Variants in KCNT1 observed in about 807,000 individuals in gnomAD.
KCNT1 encodes potassium sodium-activated channel subfamily T member 1.
In KCNT1, 78 loss-of-function variants were observed where a neutral mutation model predicts 147.8. The observed-to-expected ratio is 0.53, with a 90% CI of 0.44 to 0.64. The LOEUF (loss-of-function observed/expected upper bound fraction) is 0.64, where lower values mean the gene tolerates loss of function less well. Among genes scored for constraint, KCNT1 ranks in the 30% least tolerant of loss-of-function variants. The probability of loss-of-function intolerance (pLI) is 0.00; values close to 1 mark genes in which losing one functional copy is unlikely to be tolerated. For missense variants in KCNT1, 1,419 were observed against 1,750.3 expected, an observed-to-expected ratio of 0.81 and a Z score of 3.38; for synonymous variants, 867 against 748.8, an observed-to-expected ratio of 1.16 and a Z score of -2.58.
intron 11 of KCNT1, among the ~76,000 whole-genome samples, chr9:135,763,101 G>T (rs931004764): frequency 6.6e-6 from 1 of 152,256 alleles, no homozygotes; most frequent in Admixed American, 6.5e-5. Flanking sequence ...GGGGGCTGGC[G>T]CACCCTCCCT....
At position 135,758,368 on chromosome 9, in the gene KCNT1, G is replaced by A. The variant is rs753479701; in HGVS notation, c.760-46G>A. ...TAGTCTCTATTCATTGGCTCCTGGCGGGGTCCACAGTCCCTGCCCGCTGAC... is the reference window on the plus strand; with the variant it reads ...TAGTCTCTATTCATTGGCTCCTGGCAGGGTCCACAGTCCCTGCCCGCTGAC... On this transcript the variant is annotated intron_variant, in intron 9 of 30. Coordinates refer to ENST00000371757, the MANE Select transcript of KCNT1 (RefSeq NM_020822.3). 7.4e-5 allele frequency: 103 copies of A among 1,396,830 alleles called. No individual in the cohort carries two copies. In the East Asian group the frequency reaches 1.4e-3, roughly 19 times the overall value. The allele number at this position is 1,396,830 out of a possible 1,614,324, so 86.5% of individuals were successfully genotyped here.
chr9:135,760,270 G>A (rs894052203), intron 11 of KCNT1, among the ~76,000 whole-genome samples: 2 of 152,142 alleles, frequency 1.3e-5, no homozygotes, highest in African/African-American at 2.4e-5. Context: ...TGGCTTCCCC[G>A]TCACCACTGC....
intron 23 of KCNT1, among the ~76,000 whole-genome samples, chr9:135,779,065 CCT>C (rs1278357741): frequency 6.9e-6 from 1 of 144,972 alleles, no homozygotes; most frequent in Non-Finnish European, 1.5e-5. Context: ...GGGACCACAC[CCT>C]GAGACCCCCA....
chr9:135,716,253 C>A (rs1469501168), intron 2 of KCNT1, among the ~76,000 whole-genome samples: 1 of 152,200 alleles, frequency 6.6e-6, no homozygotes, highest in Non-Finnish European at 1.5e-5. Context: ...TGTCCATCCG[C>A]CTAATGGTGC....
rs192127716 is a variant in KCNT1, at chr9:135,713,506, C to T, written c.111-1071C>T. 4.6e-3 allele frequency among the ~76,000 whole-genome samples: 704 copies of T among 152,290 alleles called. 1 individual carries two copies. Among genetic ancestry groups the T allele is most frequent in the Non-Finnish European group, 7.5e-3 (510 of 68,014 alleles). ...CAAGGAATGTGCCCACCCCTCCCGA[C>T]TTGAGGAGAGAGAGGAGAGTTTTGT... On this transcript the variant is annotated intron_variant, in intron 1 of 30. Coordinates refer to ENST00000371757, the MANE Select transcript of KCNT1 (RefSeq NM_020822.3).
intron 1 of KCNT1, among the ~76,000 whole-genome samples, chr9:135,709,140 A>G (rs1250930573): frequency 1.3e-5 from 2 of 152,172 alleles, no homozygotes; most frequent in Non-Finnish European, 2.9e-5. Context: ...CAGTCTCTAT[A>G]TCACCTACAA....
chr9:135,784,078 G>A lies in KCNT1; in HGVS notation c.2896G>A (p.Ala966Thr), dbSNP rs1424788778. 6.2e-7 allele frequency: 1 copy of A among 1,605,918 alleles called. No individual in the cohort carries two copies. Among genetic ancestry groups the A allele is most frequent in the African/African-American group, 1.3e-5 (1 of 75,052 alleles). Residue 966 changes from alanine to threonine, a missense_variant, in exon 25 of 31, where the codon GCC becomes ACC. Ala to Thr is a moderately conservative substitution (Grantham distance 58). Transcript: ENST00000371757. The part of the protein sequence containing the change: ...LAFMFRLPFA[A>T]GRVFSISMLD... ...CTTCATGTTCCGCCTGCCGTTCGCC[G>A]CCGGCCGCGTCTTCAGCATCAGCAT...
intron 2 of KCNT1, among the ~76,000 whole-genome samples, chr9:135,727,442 C>CTT (rs1836264340): frequency 6.8e-6 from 1 of 147,788 alleles, no homozygotes; most frequent in South Asian, 2.2e-4. Context: ...CTCTCCCTCT[C>CTT]TCTCTCTCTC....
Position 135,730,222 on chromosome 9 carries a change from T to G in KCNT1, c.254+15502T>G, listed in dbSNP as rs951277582. The stretch of plus-strand genomic sequence containing the variant: ...TAGTGGCGACAACAAGGAAAGGGGT[T>G]CCCTGGACTCCCCCTTCGGAGCATC... On this transcript the variant is annotated intron_variant, in intron 2 of 30. Coordinates refer to ENST00000371757, the MANE Select transcript of KCNT1 (RefSeq NM_020822.3). The surrounding 1 kb of genome is among the most constrained non-coding windows in gnomAD (Gnocchi z 4.7). Among the ~76,000 whole-genome samples, 18 of 152,328 alleles carry G rather than the reference T, an allele frequency of 1.2e-4. No individual in the cohort carries two copies. Among genetic ancestry groups the G allele is most frequent in the African/African-American group, 4.1e-4 (17 of 41,576 alleles).
intron 24 of KCNT1, among the ~76,000 whole-genome samples, chr9:135,781,487 C>T (rs1417953235): frequency 6.6e-6 from 1 of 152,228 alleles, no homozygotes; most frequent in Non-Finnish European, 1.5e-5. Context: ...CCAGATCCCC[C>T]ATGGGTCTCT....
intron 10 of KCNT1, 113 bp downstream of exon 10, chr9:135,758,621 G>A: frequency 2.3e-6 from 2 of 855,038 alleles, no homozygotes; most frequent in Non-Finnish European, 1.9e-6. Flanking sequence ...GGGCAGAAAA[G>A]GCCACAGTGC....
intron 23 of KCNT1, 69 bp downstream of exon 23, chr9:135,778,891 A>G (rs1405864643): frequency 1.3e-6 from 2 of 1,492,050 alleles, no homozygotes; most frequent in Admixed American, 3.8e-5. Context: ...TCGCCCTGAG[A>G]CCCCCACAGC....
At chr9:135,783,883 GACAC>G (rs540571734) in intron 24 of KCNT1, 137 bp from the exon 25 acceptor site, 58 of 667,462 alleles carry the variant, frequency 8.7e-5, no homozygotes, top group South Asian at 3.9e-4. Context: ...TGTACACGTG[GACAC>G]ACACACCATG....
chr9:135,737,522 G>A (rs1006279309), intron 2 of KCNT1, among the ~76,000 whole-genome samples: 2 of 152,222 alleles, frequency 1.3e-5, no homozygotes, highest in Non-Finnish European at 2.9e-5. Context: ...GGCACATGTC[G>A]TGGGCACGGA....
intron 2 of KCNT1, among the ~76,000 whole-genome samples, chr9:135,739,774 C>G (rs1830488289): frequency 6.6e-6 from 1 of 152,224 alleles, no homozygotes; most frequent in Non-Finnish European, 1.5e-5. Flanking sequence ...GCTCTGCGCT[C>G]TTTCTCCCCC....
intron 24 of KCNT1, among the ~76,000 whole-genome samples, chr9:135,783,543 A>T (rs1454121092): frequency 6.6e-6 from 1 of 152,224 alleles, no homozygotes; most frequent in African/African-American, 2.4e-5. Context: ...CAGGAAACTC[A>T]GTGGGTCCAT....
intron 25 of KCNT1, 89 bp downstream of exon 25, chr9:135,784,214 G>C: frequency 9.8e-7 from 1 of 1,018,294 alleles, no homozygotes; most frequent in Non-Finnish European, 1.5e-6. Flanking sequence ...TGTTCTGAAT[G>C]ATAGGACTCC....
intron 23 of KCNT1, 85 bp downstream of exon 23, chr9:135,778,907 C>A: frequency 6.7e-7 from 1 of 1,501,422 alleles, no homozygotes; most frequent in South Asian, 1.2e-5. Context: ...ACAGCCACGA[C>A]CACGGGCCCT....
chr9:135,788,680 C>T lies in KCNT1; in HGVS notation c.3502+2159C>T, dbSNP rs1263770490. Among the ~76,000 whole-genome samples, 14 of 152,318 alleles carry T rather than the reference C, an allele frequency of 9.2e-5. 1 individual carries two copies. Among genetic ancestry groups the T allele is most frequent in the Middle Eastern group, 3.4e-3 (1 of 294 alleles). ...GGGACTCCAAGCCACGAGGAGTAGGCAGGCTTTATGGCTGCCCAGGCCAGG... is the reference window on the plus strand; with the variant it reads ...GGGACTCCAAGCCACGAGGAGTAGGTAGGCTTTATGGCTGCCCAGGCCAGG... On this transcript the variant is annotated intron_variant, in intron 29 of 30. Transcript: ENST00000371757.
Sources: gnomAD v4.1 joint callset for allele counts (sites outside exome capture counted in the v4.1 genomes callset) on GRCh38, gnomAD v4.1.1 for gene constraint, Gnocchi (gnomAD v3.1) non-coding constraint, MANE v1.5 for transcripts, NCBI Gene and HGNC (gene_info 2026-07-23, HGNC 2026-07-21) for gene names.